Variants in PCSK5 observed in about 807,000 individuals in gnomAD.
PCSK5 encodes proprotein convertase subtilisin/kexin type 5, also known as prohormone convertase 5.
Under a neutral mutation model 233.2 loss-of-function variants are expected in PCSK5, and 129 were observed. The observed-to-expected ratio is 0.55, with a 90% CI of 0.48 to 0.64. The LOEUF (loss-of-function observed/expected upper bound fraction) is 0.64. PCSK5 is among the 30% of genes least tolerant of loss of function. The pLI, the probability that PCSK5 is intolerant of heterozygous loss-of-function variation, is 0.00. For synonymous variants in PCSK5, 825 were observed against 879.2 expected, an observed-to-expected ratio of 0.94 and a Z score of 1.09; for missense variants, 2,076 against 2,430.1, an observed-to-expected ratio of 0.85 and a Z score of 3.06.
chr9:76,226,604 G>T (rs1270748741), intron 20 of PCSK5, among the ~76,000 whole-genome samples: 4 of 152,162 alleles, frequency 2.6e-5, no homozygotes, highest in African/African-American at 4.8e-5. Context: ...TCCAGTGGAG[G>T]TTGTGTCTCT....
intron 5 of PCSK5, among the ~76,000 whole-genome samples, chr9:76,042,186 A>G (rs6560491): frequency 0.66 from 99,724 of 152,196 alleles, 32,846 homozygotes; most frequent in South Asian, 0.76. Context: ...AAGAAAAAAC[A>G]CCATGAAATG....
At chr9:76,293,125 G>A (rs1453598345) in intron 25 of PCSK5, among the ~76,000 whole-genome samples, 1 of 151,790 alleles carries the variant, frequency 6.6e-6, no homozygotes. Flanking sequence ...TTTGGCCTTT[G>A]GCGGGTCACC....
rs560878348 is a variant in PCSK5, at chr9:76,207,660, C to T, written c.2626+17914C>T. Among the ~76,000 whole-genome samples the T allele has an allele frequency of 1.6e-4, 24 of 152,218 alleles. No homozygotes were observed. In the South Asian group the frequency reaches 4.1e-3, roughly 26 times the overall value. On this transcript the variant is annotated intron_variant, in intron 20 of 37. Transcript: ENST00000674117. Reference sequence around the variant, plus strand: ...GGGAGCAAATGCCCTGATGTGTTAACACGTGTTATGAAAAGGAATTAGAGA... The same window carrying T: ...GGGAGCAAATGCCCTGATGTGTTAATACGTGTTATGAAAAGGAATTAGAGA...
intron 30 of PCSK5, among the ~76,000 whole-genome samples, chr9:76,319,471 G>A (rs527672015): frequency 6.6e-6 from 1 of 150,428 alleles, no homozygotes; most frequent in South Asian, 2.1e-4. Flanking sequence ...AGGAATAACC[G>A]GCAGGTATAG....
rs779892463 is a variant in PCSK5, at chr9:76,338,395, G to T, written c.4914G>T (p.Glu1638Asp). The change falls in exon 35 of 38, where the codon GAG (glutamate) becomes GAT (aspartate). Residue 1638 changes from glutamate to aspartate, a missense_variant. Physicochemically the swap from Glu to Asp is conservative, Grantham distance 45. Transcript: ENST00000674117. Reference protein sequence around the residue: ...HRSCPDHYYVEQSTQTCERCH... With the variant: ...HRSCPDHYYVDQSTQTCERCH... ...CCTGCCCAGACCATTACTATGTAGA[G>T]CAAAGCACACAGACCTGTGAGAGAT... 1 of 1,612,704 alleles carries T rather than the reference G, an allele frequency of 6.2e-7. No homozygotes were observed. The highest frequency in any genetic ancestry group is 8.5e-7 in the Non-Finnish European group (1 of 1,179,820).
At chr9:76,325,688 A>T (rs561565074) in intron 32 of PCSK5, among the ~76,000 whole-genome samples, 60 of 149,466 alleles carry the variant, frequency 4.0e-4, no homozygotes, top group African/African-American at 1.4e-3. Context: ...GCCAGGCTGG[A>T]GTGCAATGGC....
chr9:76,122,827 CT>C (rs71372050), intron 9 of PCSK5, among the ~76,000 whole-genome samples: 1,984 of 127,018 alleles, frequency 0.016, 51 homozygotes, highest in African/African-American at 0.055. Context: ...TTTTTTTTTT[CT>C]TTTTTTTTTT....
chr9:76,252,582 T>A (rs1826846107), intron 24 of PCSK5, among the ~76,000 whole-genome samples: 1 of 152,204 alleles, frequency 6.6e-6, no homozygotes, highest in Non-Finnish European at 1.5e-5. Flanking sequence ...ATATTTTCAG[T>A]TAGCCGTGGC....
At chr9:76,187,872 CACTA>C (rs1029265047) in intron 17 of PCSK5, among the ~76,000 whole-genome samples, 72 of 152,134 alleles carry the variant, frequency 4.7e-4, no homozygotes, top group African/African-American at 1.7e-3. Context: ...CTCCCAGAAA[CACTA>C]AATAATAATA....
chr9:76,303,117 G>C (rs11144824), intron 28 of PCSK5, among the ~76,000 whole-genome samples: 1 of 152,084 alleles, frequency 6.6e-6, no homozygotes, highest in Non-Finnish European at 1.5e-5. Flanking sequence ...TTTATGCCCT[G>C]CCCAGGCCTA....
rs543422570 is a variant in PCSK5, at chr9:76,087,865, G to C, written c.895-8025G>C. 7.2e-5 allele frequency among the ~76,000 whole-genome samples: 11 copies of C among 152,222 alleles called. No individual in the cohort carries two copies. The East Asian group carries it at 2.1e-3, about 29-fold the overall frequency. ...AGGTTCAGATGTGGAGGAAGAGGAG[G>C]GAGTGAAGTCATGTCGCATAAGAAA... On this transcript the variant is annotated intron_variant, in intron 7 of 37. Coordinates refer to ENST00000674117, the MANE Select transcript of PCSK5 (RefSeq NM_001372043.1).
intron 24 of PCSK5, among the ~76,000 whole-genome samples, chr9:76,275,498 T>C (rs1030427090): frequency 4.6e-5 from 7 of 152,120 alleles, no homozygotes; most frequent in Non-Finnish European, 8.8e-5. Flanking sequence ...GATCTTGGCT[T>C]ACTGCAACCT....
At chr9:76,257,917 A>T (rs1256028307) in intron 24 of PCSK5, among the ~76,000 whole-genome samples, 2 of 152,198 alleles carry the variant, frequency 1.3e-5, no homozygotes, top group Admixed American at 1.3e-4. Flanking sequence ...CTATATGTAT[A>T]TGTTTTCCAT....
intron 1 of PCSK5, among the ~76,000 whole-genome samples, chr9:75,909,693 C>G (rs1281854218): frequency 1.3e-5 from 2 of 151,768 alleles, no homozygotes; most frequent in Non-Finnish European, 2.9e-5. Context: ...AAGACTCCGT[C>G]TCAAGAAAAA....
chr9:76,178,265 T>A (rs1823703384), intron 14 of PCSK5, among the ~76,000 whole-genome samples: 1 of 152,192 alleles, frequency 6.6e-6, no homozygotes, highest in Non-Finnish European at 1.5e-5. Flanking sequence ...AAAATAGAAA[T>A]AAGCAGTGCT....
chr9:76,121,401 T>C (rs987482925), intron 9 of PCSK5, among the ~76,000 whole-genome samples: 5 of 152,218 alleles, frequency 3.3e-5, no homozygotes, highest in African/African-American at 1.2e-4. Context: ...TTTATTTTTC[T>C]GAGATTTTCT....
chr9:75,950,972 C>G lies in PCSK5; in HGVS notation c.297+18489C>G, dbSNP rs533716977. Among the ~76,000 whole-genome samples the G allele has an allele frequency of 6.6e-5, 10 of 152,304 alleles. No homozygotes were observed. The South Asian group carries it at 2.1e-3, about 32-fold the overall frequency. On this transcript the variant is annotated intron_variant, in intron 2 of 37. Coordinates refer to ENST00000674117, the MANE Select transcript of PCSK5 (RefSeq NM_001372043.1). ...TCAGATTGTATGATTATAGGCAAAG[C>G]AACCATTGAAAGATTTGTAGATTTG... is the stretch of plus-strand genomic sequence containing the variant.
chr9:76,312,873 G>A (rs1250822021), intron 30 of PCSK5, among the ~76,000 whole-genome samples: 1 of 152,114 alleles, frequency 6.6e-6, no homozygotes, highest in Non-Finnish European at 1.5e-5. Context: ...ACCAACTCCA[G>A]GAAGTCCAAG....
At chr9:76,175,961 T>G (rs978411912) in intron 14 of PCSK5, among the ~76,000 whole-genome samples, 3 of 152,156 alleles carry the variant, frequency 2.0e-5, no homozygotes, top group Non-Finnish European at 4.4e-5. Context: ...GTTTCGTCTT[T>G]GCTGAAAACA....
Sources: gnomAD v4.1 joint callset for allele counts (sites outside exome capture counted in the v4.1 genomes callset) on GRCh38, gnomAD v4.1.1 for gene constraint, MANE v1.5 for transcripts, NCBI Gene and HGNC (gene_info 2026-07-23, HGNC 2026-07-21) for gene names.